Variants in C5orf58 observed in about 807,000 individuals in gnomAD.
C5orf58 encodes putative uncharacterized protein C5orf58.
In C5orf58, 2 loss-of-function variants were observed where a neutral mutation model predicts 2.9. The observed-to-expected ratio is 0.69, with a 90% CI of 0.28 to 2.18. The LOEUF is 2.18. C5orf58 is among the 30% of genes most tolerant of loss of function. The pLI, the probability that C5orf58 is intolerant of heterozygous loss-of-function variation, is 0.13. For synonymous variants in C5orf58, 37 were observed against 33.4 expected (o/e 1.11, Z -0.37); for missense variants, 96 against 91.7 (o/e 1.05, Z -0.19).
At chr5:170,250,007 T>A (rs894576765), downstream of C5orf58, among the ~76,000 whole-genome samples, 1 of 152,232 alleles carries the variant, frequency 6.6e-6, no homozygotes, top group Non-Finnish European at 1.5e-5. Context: ...TGCATTTTTT[T>A]TCTATTCATT....
downstream of C5orf58, chr5:170,248,508 GAATA>G (rs1440499189): frequency 1.4e-5 from 8 of 584,914 alleles, no homozygotes; most frequent in African/African-American, 9.7e-5. Context: ...CATTGAAGAA[GAATA>G]AATAAATTAT....
exon 3 of C5orf58, chr5:170,252,144 A>G (rs1006157972): frequency 4.1e-5 from 10 of 241,862 alleles, no homozygotes. Flanking sequence ...TTCTGACACC[A>G]TGTGATTCCT....
chr5:170,246,396 G>A (rs956324727), downstream of C5orf58: 1 of 224,736 alleles, frequency 4.4e-6, no homozygotes, highest in Non-Finnish European at 8.8e-6. Context: ...ATTAATTGAT[G>A]GAATGAGTTT....
exon 3 of C5orf58, chr5:170,252,142 C>G (rs888185854): frequency 4.2e-6 from 1 of 237,534 alleles, no homozygotes; most frequent in Non-Finnish European, 8.4e-6. Context: ...CCTTCTGACA[C>G]CATGTGATTC....
chr5:170,234,310 G>C, intron 2 of C5orf58, 112 bp downstream of exon 2: 1 of 550,250 alleles, frequency 1.8e-6, no homozygotes, highest in Admixed American at 2.7e-5. Flanking sequence ...GTCATTTTGA[G>C]AGACTGAACA....
intron 2 of C5orf58, among the ~76,000 whole-genome samples, chr5:170,234,416 T>C (rs1439765245): frequency 6.6e-6 from 1 of 152,252 alleles, no homozygotes; most frequent in Non-Finnish European, 1.5e-5. Flanking sequence ...AATGCGTTGA[T>C]TTATACATTT....
At chr5:170,240,345 C>T (rs1257067550) in intron 3 of C5orf58, among the ~76,000 whole-genome samples, 9 of 133,274 alleles carry the variant, frequency 6.8e-5, no homozygotes, top group East Asian at 2.2e-4. Flanking sequence ...CCTGAGGAAT[C>T]GCCACACTGA....
downstream of C5orf58, chr5:170,248,947 T>A: frequency 1.1e-6 from 1 of 874,110 alleles, no homozygotes; most frequent in Non-Finnish European, 1.7e-6. Flanking sequence ...GGAAAAAATG[T>A]AAATGTGGCA....
At chr5:170,246,694 T>A (rs1430429515), downstream of C5orf58, 1 of 152,654 alleles carries the variant, frequency 6.6e-6, no homozygotes, top group Admixed American at 6.5e-5. Context: ...TGTCTCAGGC[T>A]TCATGTTTAA....
chr5:170,249,111 C>G (rs1317013918), downstream of C5orf58, among the ~76,000 whole-genome samples: 1 of 152,106 alleles, frequency 6.6e-6, no homozygotes, highest in African/African-American at 2.4e-5. Flanking sequence ...CACCTGAGGT[C>G]AGGAGTTTGA....
At chr5:170,239,996 A>C (rs1237752184) in intron 3 of C5orf58, among the ~76,000 whole-genome samples, 1 of 151,316 alleles carries the variant, frequency 6.6e-6, no homozygotes, top group African/African-American at 2.4e-5. Flanking sequence ...TCATTGTTCA[A>C]TTCCCACCTA....
intron 3 of C5orf58, among the ~76,000 whole-genome samples, chr5:170,244,883 G>A (rs900917768): frequency 6.6e-6 from 1 of 151,924 alleles, no homozygotes; most frequent in African/African-American, 2.4e-5. Context: ...CAGTTTTTCT[G>A]TTCTGTTTTT....
intron 3 of C5orf58, among the ~76,000 whole-genome samples, chr5:170,239,110 G>T (rs11740097): frequency 0.036 from 5,458 of 152,250 alleles, 144 homozygotes; most frequent in Non-Finnish European, 0.055. Context: ...AATAGCTAAG[G>T]TGTTGAATAA....
intron 3 of C5orf58, among the ~76,000 whole-genome samples, chr5:170,244,068 G>T (rs182818631): frequency 1.3e-5 from 2 of 152,090 alleles, no homozygotes; most frequent in South Asian, 4.2e-4. Context: ...GAAATTCTGG[G>T]TTGAAGATCC....
At chr5:170,237,839 A>G (rs765442112) in intron 3 of C5orf58, among the ~76,000 whole-genome samples, 31 of 152,230 alleles carry the variant, frequency 2.0e-4, no homozygotes, top group Non-Finnish European at 4.0e-4. Context: ...GGAAAGTAGT[A>G]TACTGTAAAG....
chr5:170,250,739 T>G (rs1761418921), downstream of C5orf58: 6 of 1,613,046 alleles, frequency 3.7e-6, 1 homozygote, highest in Admixed American at 1.0e-4. Context: ...CCTCTTTCCC[T>G]CGGAGTCCAG....
intron 2 of C5orf58, 25 bp from the exon 3 acceptor site, chr5:170,234,952 G>A (rs1182277528): frequency 9.1e-7 from 1 of 1,097,198 alleles, no homozygotes; most frequent in Non-Finnish European, 1.3e-6. Context: ...TTTATACATT[G>A]TTTCTGTTTT....
intron 3 of C5orf58, among the ~76,000 whole-genome samples, chr5:170,239,882 G>A (rs1042884820): frequency 2.6e-5 from 4 of 151,830 alleles, no homozygotes; most frequent in African/African-American, 9.7e-5. Flanking sequence ...CCACTAACTC[G>A]TCATCTAGCA....
downstream of C5orf58, chr5:170,251,071 A>G (rs543035591): frequency 1.5e-4 from 84 of 545,616 alleles, no homozygotes; most frequent in African/African-American, 1.1e-3. Flanking sequence ...CCCATGTGTC[A>G]TGAGTTATTT....
Sources: allele counts gnomAD v4.1 joint callset (sites outside exome capture counted in the v4.1 genomes callset), GRCh38; gene constraint gnomAD v4.1.1; transcripts MANE v1.5; gene names NCBI Gene and HGNC (gene_info 2026-07-23, HGNC 2026-07-21).